Variants in EYS observed in about 807,000 individuals in gnomAD.
The protein encoded by EYS is protein eyes shut homolog.
A neutral mutation model predicts 282.1 loss-of-function variants in EYS; 250 were observed. The ratio of observed to expected loss-of-function variants is 0.89; its 90% CI spans 0.80 to 0.98. The LOEUF is 0.98. EYS is among the 50% of genes least tolerant of loss of function. EYS has a pLI of 0.00. For missense variants in EYS, 4,016 were observed against 3,709.0 expected (o/e 1.08, Z -2.15); for synonymous variants, 1,355 against 1,282.9 (o/e 1.06, Z -1.20).
intron 11 of EYS, chr6:65,332,101 T>C (rs1769817425): frequency 1.3e-5 from 5 of 399,872 alleles, no homozygotes; most frequent in Middle Eastern, 7.1e-4. Flanking sequence ...TAAAGTATAA[T>C]GTTAGTTATG....
chr6:64,522,965 T>G (rs996306023), intron 26 of EYS, among the ~76,000 whole-genome samples: 2 of 151,804 alleles, frequency 1.3e-5, no homozygotes, highest in East Asian at 3.9e-4. Flanking sequence ...TTGAAGACAT[T>G]TCTTTTGTTT....
intron 40 of EYS, among the ~76,000 whole-genome samples, chr6:63,766,293 A>G (rs1026999284): frequency 6.6e-6 from 1 of 152,036 alleles, no homozygotes; most frequent in Admixed American, 6.6e-5. Context: ...CCCATCTACC[A>G]TAGTTTTCTG....
intron 41 of EYS, among the ~76,000 whole-genome samples, chr6:63,746,660 GTA>G (rs1769216967): frequency 6.6e-6 from 1 of 152,148 alleles, no homozygotes; most frequent in Admixed American, 6.5e-5. Context: ...TTGGGAGGGT[GTA>G]TGTGTCCAGG....
rs1770114202 is a variant in EYS, at chr6:63,778,163, G to T, written c.7741C>A (p.Gln2581Lys). 3.2e-6 allele frequency: 5 copies of T among 1,551,892 alleles called. No homozygotes were observed. The highest frequency in any genetic ancestry group is 4.4e-6 in the Non-Finnish European group (5 of 1,146,960). Residue 2581 changes from glutamine to lysine, a missense_variant, in exon 40 of 43, where the codon CAA becomes AAA. Transcript: ENST00000503581. Reference sequence around the variant, plus strand: ...TGGCCATCCTTCTCAGTGCGAACTTGAAGAGTGAAAATACAGCCTTGAAGA... The same window carrying T: ...TGGCCATCCTTCTCAGTGCGAACTTTAAGAGTGAAAATACAGCCTTGAAGA... The part of the protein sequence containing the change: ...NGFQGCIFTL[Q>K]VRTEKDGHFR...
chr6:65,058,639 C>A (rs2150158137), intron 12 of EYS, among the ~76,000 whole-genome samples: 1 of 150,674 alleles, frequency 6.6e-6, no homozygotes, highest in South Asian at 2.1e-4. Flanking sequence ...AATAAATGTC[C>A]ATTAACTATA....
intron 12 of EYS, among the ~76,000 whole-genome samples, chr6:65,280,245 C>A (rs949257777): frequency 6.6e-6 from 1 of 152,272 alleles, no homozygotes; most frequent in East Asian, 1.9e-4. Flanking sequence ...AACAGAACAT[C>A]CCTTCACTCA....
chr6:63,977,416 G>A (rs1766890122), intron 35 of EYS, among the ~76,000 whole-genome samples: 1 of 151,908 alleles, frequency 6.6e-6, no homozygotes, highest in African/African-American at 2.4e-5. Context: ...GAGCTTACAT[G>A]GAGATGCTTC....
At chr6:64,566,154 G>A (rs1206451178) in intron 26 of EYS, among the ~76,000 whole-genome samples, 1 of 152,058 alleles carries the variant, frequency 6.6e-6, no homozygotes, top group Admixed American at 6.5e-5. Flanking sequence ...GAGGAAAGAA[G>A]ACTTATGCAC....
At chr6:64,136,191 C>T (rs79733809) in intron 31 of EYS, among the ~76,000 whole-genome samples, 215 of 150,856 alleles carry the variant, frequency 1.4e-3, no homozygotes, top group African/African-American at 4.8e-3. Context: ...GGAACAACTT[C>T]GTATCCATTA....
At chr6:64,495,384 A>T (rs1582820087) in intron 26 of EYS, among the ~76,000 whole-genome samples, 2 of 151,938 alleles carry the variant, frequency 1.3e-5, no homozygotes, top group East Asian at 3.9e-4. Flanking sequence ...AGATGACAAT[A>T]ACTTGGAATC....
intron 22 of EYS, among the ~76,000 whole-genome samples, chr6:64,727,477 C>G (rs551304785): frequency 6.6e-6 from 1 of 152,228 alleles, no homozygotes; most frequent in South Asian, 2.1e-4. Flanking sequence ...CAAACGGTAG[C>G]CATATCACCT....
chr6:64,172,470 G>A (rs962484839), intron 31 of EYS, among the ~76,000 whole-genome samples: 3 of 152,178 alleles, frequency 2.0e-5, no homozygotes, highest in African/African-American at 4.8e-5. Flanking sequence ...AATCAACACT[G>A]TAAGTGGGAA....
At chr6:65,471,024 C>A (rs1765191318) in intron 5 of EYS, among the ~76,000 whole-genome samples, 1 of 151,958 alleles carries the variant, frequency 6.6e-6, no homozygotes, top group African/African-American at 2.4e-5. Flanking sequence ...GTAATCCCAA[C>A]TACTTGGGAG....
chr6:64,475,214 A>G (rs1776223717), intron 26 of EYS, among the ~76,000 whole-genome samples: 1 of 152,116 alleles, frequency 6.6e-6, no homozygotes, highest in Non-Finnish European at 1.5e-5. Flanking sequence ...CTCATATTAT[A>G]CTCCACAAAT....
rs187819482 is a variant in EYS at position 65,187,954 on chromosome 6, A to G, written c.2023+107909T>C. ...TCTAATTTCACTGTCCCTATATATA[A>G]CAATGGCTTTTCTTAAGACATTAGA... is the stretch of plus-strand genomic sequence containing the variant. On this transcript the variant is annotated intron_variant, in intron 12 of 42. Coordinates refer to ENST00000503581, the MANE Select transcript of EYS (RefSeq NM_001142800.2). Among the ~76,000 whole-genome samples, 388 of 151,812 alleles carry G rather than the reference A, an allele frequency of 2.6e-3. 2 individuals carry two copies. The highest frequency in any genetic ancestry group is 8.7e-3 in the African/African-American group (360 of 41,508).
intron 29 of EYS, among the ~76,000 whole-genome samples, chr6:64,323,497 G>T (rs1307747902): frequency 6.6e-6 from 1 of 152,036 alleles, no homozygotes; most frequent in Admixed American, 6.6e-5. Flanking sequence ...ACAGATTTGT[G>T]TGTGGACATA....
At chr6:64,981,711 C>T (rs144478191) in intron 14 of EYS, among the ~76,000 whole-genome samples, 1 of 151,488 alleles carries the variant, frequency 6.6e-6, no homozygotes, top group African/African-American at 2.4e-5. Context: ...TTTTGTTTTA[C>T]TGCCTCACTA....
rs148295050 is a variant in EYS, at chr6:64,057,418, G to A, written c.6725+8920C>T. ...TTAAAAATAGAATGGTCTCAAATGT[G>A]TTTTTATTAACAATGATGCTCTGTT... On this transcript the variant is annotated intron_variant, in intron 33 of 42. Transcript: ENST00000503581. Among the ~76,000 whole-genome samples, 548 of 147,678 alleles carry A rather than the reference G, an allele frequency of 3.7e-3. 3 individuals are homozygous for A. Among genetic ancestry groups the A allele is most frequent in the African/African-American group, 0.013 (516 of 39,506 alleles).
chr6:65,529,864 C>T lies in EYS; in HGVS notation c.-332-33871G>A, dbSNP rs542859180. ...GCTGTCTATGAATGAGGAAGCAGAC[C>T]CTCACTAGAACCCAATAATGTTGGC... On this transcript the variant is annotated intron_variant, in intron 2 of 42. Coordinates refer to ENST00000503581, the MANE Select transcript of EYS (RefSeq NM_001142800.2). Among the ~76,000 whole-genome samples the T allele has an allele frequency of 2.6e-4, 40 of 152,146 alleles. No homozygotes were observed. The South Asian group carries it at 7.9e-3, about 30-fold the overall frequency.
Sources: allele counts gnomAD v4.1 joint callset (sites outside exome capture counted in the v4.1 genomes callset), GRCh38; gene constraint gnomAD v4.1.1; transcripts MANE v1.5; gene names NCBI Gene and HGNC (gene_info 2026-07-23, HGNC 2026-07-21).